Variants in PRKCE observed in about 807,000 individuals in gnomAD.
PRKCE encodes protein kinase C epsilon type.
In PRKCE, 16 loss-of-function variants were observed where a neutral mutation model predicts 85.4. The ratio of observed to expected loss-of-function variants is 0.19; its 90% CI spans 0.13 to 0.28. PRKCE has a LOEUF of 0.28. Among genes scored for constraint, PRKCE ranks in the 10% least tolerant of loss-of-function variants. PRKCE has a pLI of 1.00. For missense variants in PRKCE, 573 were observed against 975.2 expected, an observed-to-expected ratio of 0.59 and a Z score of 5.49; for synonymous variants, 388 against 371.5, an observed-to-expected ratio of 1.04 and a Z score of -0.51.
intron 2 of PRKCE, among the ~76,000 whole-genome samples, chr2:45,915,850 C>G (rs1400881319): frequency 2.0e-5 from 3 of 152,206 alleles, no homozygotes. Flanking sequence ...TCCTCTCCCA[C>G]TGTCCCACAA....
chr2:45,993,369 A>G (rs1264391108), intron 6 of PRKCE, among the ~76,000 whole-genome samples: 1 of 152,188 alleles, frequency 6.6e-6, no homozygotes, highest in Admixed American at 6.5e-5. Flanking sequence ...GACTTTTCAA[A>G]GCACTTTCAA....
intron 6 of PRKCE, among the ~76,000 whole-genome samples, chr2:45,986,417 G>T (rs1703326857): frequency 6.6e-6 from 1 of 152,194 alleles, no homozygotes; most frequent in South Asian, 2.1e-4. Flanking sequence ...AGCAGGGAAG[G>T]GGAGGCGAGC....
intron 10 of PRKCE, among the ~76,000 whole-genome samples, chr2:46,049,768 C>G (rs539189767): frequency 1.8e-4 from 28 of 152,316 alleles, no homozygotes; most frequent in African/African-American, 6.7e-4. Flanking sequence ...TTCCTTCTGC[C>G]CAGTTCCTTG....
chr2:45,818,501 C>T (rs1193818637), intron 1 of PRKCE, among the ~76,000 whole-genome samples: 1 of 152,186 alleles, frequency 6.6e-6, no homozygotes, highest in Non-Finnish European at 1.5e-5. Context: ...CTTGGGTGGG[C>T]AAGTCTCTCA....
At chr2:45,686,722 A>G (rs1677326811) in intron 1 of PRKCE, among the ~76,000 whole-genome samples, 1 of 152,206 alleles carries the variant, frequency 6.6e-6, no homozygotes, top group Non-Finnish European at 1.5e-5. Context: ...ATATAGTTTA[A>G]TATATTTAAA....
In PRKCE at chr2:46,185,041, C is replaced by A. The variant is rs1680355236; in HGVS notation, c.*160C>A. 1.0e-6 allele frequency: 1 copy of A among 956,244 alleles called. No individual in the cohort carries two copies. The highest frequency in any genetic ancestry group is 1.5e-6 in the Non-Finnish European group (1 of 657,746). 59.2% of individuals were successfully genotyped at this position (956,244 alleles called of 1,614,324 possible). A position where few individuals can be genotyped will look rare whatever the true frequency, so the allele number is the denominator to read the frequency against. On this transcript the variant is annotated 3_prime_UTR_variant, in exon 15 of 15. Transcript: ENST00000306156. The surrounding 1 kb of genome is among the most constrained non-coding windows in gnomAD (Gnocchi z 4.7). ...TGCATTCCCTTGCCCCAGGCCACCT[C>A]CTCCCCCTCCCACCTGGTGACCAGA...
At position 45,785,159 on chromosome 2, in the gene PRKCE, T is replaced by C. The variant is rs58075745; in HGVS notation, c.349-57841T>C. 9.4e-3 allele frequency among the ~76,000 whole-genome samples: 1,427 copies of C among 152,240 alleles called. 17 individuals carry two copies. The highest frequency in any genetic ancestry group is 0.033 in the African/African-American group (1,354 of 41,510). On this transcript the variant is annotated intron_variant, in intron 1 of 14. Coordinates refer to ENST00000306156, the MANE Select transcript of PRKCE (RefSeq NM_005400.3). ...GGCCAGTGAATCTAATTTTCTTAAG[T>C]TGTATTATAGCATTTTTCTTTTAAA...
At chr2:45,972,561 C>T (rs1702178190) in intron 2 of PRKCE, among the ~76,000 whole-genome samples, 1 of 152,066 alleles carries the variant, frequency 6.6e-6, no homozygotes, top group Admixed American at 6.6e-5. Flanking sequence ...GAAAGTTTTC[C>T]CCTATGTTTT....
intron 2 of PRKCE, among the ~76,000 whole-genome samples, chr2:45,970,541 A>G (rs1406319881): frequency 2.0e-5 from 3 of 152,180 alleles, no homozygotes; most frequent in South Asian, 2.1e-4. Flanking sequence ...AGATACATTT[A>G]TGTATCTAGA....
chr2:46,106,566 G>C (rs182964694), intron 11 of PRKCE, among the ~76,000 whole-genome samples: 1 of 152,300 alleles, frequency 6.6e-6, no homozygotes, highest in East Asian at 1.9e-4. Context: ...CAAATTCCAA[G>C]GGCCATAACA....
intron 1 of PRKCE, among the ~76,000 whole-genome samples, chr2:45,684,677 G>A (rs1572936048): frequency 6.6e-6 from 1 of 152,214 alleles, no homozygotes; most frequent in African/African-American, 2.4e-5. Context: ...CCTAGTCAGG[G>A]GGCAAGTTGG....
intron 10 of PRKCE, among the ~76,000 whole-genome samples, chr2:46,084,994 G>A (rs1021767802): frequency 6.6e-6 from 1 of 151,964 alleles, no homozygotes; most frequent in Admixed American, 6.6e-5. Flanking sequence ...TCATGCATTC[G>A]ACTCTTATTT....
intron 8 of PRKCE, among the ~76,000 whole-genome samples, chr2:46,006,525 T>C (rs1373568337): frequency 6.6e-6 from 1 of 152,222 alleles, no homozygotes; most frequent in Non-Finnish European, 1.5e-5. Context: ...TCTCTTTCTG[T>C]CACTCATGCC....
At chr2:46,150,626 G>A (rs995481842) in intron 12 of PRKCE, among the ~76,000 whole-genome samples, 8 of 152,150 alleles carry the variant, frequency 5.3e-5, no homozygotes, top group Non-Finnish European at 8.8e-5. Flanking sequence ...GCTGTGCCCT[G>A]GACTGTGTGA....
intron 14 of PRKCE, among the ~76,000 whole-genome samples, chr2:46,169,609 C>T (rs911746548): frequency 1.3e-5 from 2 of 152,134 alleles, no homozygotes; most frequent in Non-Finnish European, 2.9e-5. Context: ...GAAAGATAAG[C>T]CCTCCAGAGT....
rs966202234 is a variant in PRKCE at position 46,089,857 on chromosome 2, T to A, written c.1592+3495T>A. Among the ~76,000 whole-genome samples, 4 of 152,194 alleles carry A rather than the reference T, an allele frequency of 2.6e-5. No homozygotes were observed. In the East Asian group the frequency reaches 7.7e-4, roughly 29 times the overall value. ...CCACCCTTTAGGCACTCCAAATTAC[T>A]TGCCATTATCCCCCAAATACCATTG... On this transcript the variant is annotated intron_variant, in intron 11 of 14. Coordinates refer to ENST00000306156, the MANE Select transcript of PRKCE (RefSeq NM_005400.3).
In PRKCE at chr2:46,004,462, G is replaced by A. The variant is rs539054624; in HGVS notation, c.967-80G>A. The A allele has an allele frequency of 1.3e-4, 154 of 1,142,750 alleles. 2 individuals are homozygous for A. Among genetic ancestry groups the A allele is most frequent in the African/African-American group, 1.1e-3 (71 of 65,190 alleles). The allele number at this position is 1,142,750 out of a possible 1,614,324, so 70.8% of individuals were successfully genotyped here. ...CTGGGAACTCTCATGGCTCTTATAC[G>A]GCATCTTGATGCTTTTGACATCAGA... On this transcript the variant is annotated intron_variant, in intron 7 of 14. Coordinates refer to ENST00000306156, the MANE Select transcript of PRKCE (RefSeq NM_005400.3). This position sits in a 1 kb window ranked among gnomAD's most constrained non-coding sequence, Gnocchi z 4.1.
intron 11 of PRKCE, among the ~76,000 whole-genome samples, chr2:46,105,479 C>T (rs964632430): frequency 8.1e-5 from 12 of 148,296 alleles, no homozygotes; most frequent in African/African-American, 2.2e-4. Context: ...ATAGTGCTTA[C>T]GTTTGATTCA....
chr2:45,886,538 GAACT>G (rs1253824495), intron 2 of PRKCE, among the ~76,000 whole-genome samples: 1 of 152,172 alleles, frequency 6.6e-6, no homozygotes, highest in Non-Finnish European at 1.5e-5. Flanking sequence ...TAAAAACCCA[GAACT>G]ACCTAACTAC....
Sources: gnomAD v4.1 joint callset for allele counts (sites outside exome capture counted in the v4.1 genomes callset) on GRCh38, gnomAD v4.1.1 for gene constraint, Gnocchi (gnomAD v3.1) non-coding constraint, MANE v1.5 for transcripts, NCBI Gene and HGNC (gene_info 2026-07-23, HGNC 2026-07-21) for gene names.